Variants in GPR141 observed in about 807,000 individuals in gnomAD.
GPR141 encodes probable G protein-coupled receptor 141.
Under a neutral mutation model 6.8 loss-of-function variants are expected in GPR141, and 6 were observed. The ratio of observed to expected loss-of-function variants is 0.88; its 90% CI spans 0.48 to 1.74. The LOEUF (loss-of-function observed/expected upper bound fraction) is 1.74. Ranked by LOEUF, GPR141 falls within the 40% of genes most tolerant of loss-of-function variation. The pLI is 0.01. For missense variants in GPR141, 372 were observed against 372.9 expected (o/e 1.00, Z 0.02); for synonymous variants, 140 against 142.3 (o/e 0.98, Z 0.11).
At chr7:37,704,315 C>T (rs115506831) in intron 2 of GPR141, among the ~76,000 whole-genome samples, 21,899 of 151,846 alleles carry the variant, frequency 0.14, 1,953 homozygotes, top group South Asian at 0.26. Flanking sequence ...TATGAAGAAA[C>T]ACCTGAGACT....
chr7:37,685,676 T>C (rs932969677), intron 2 of GPR141, 93 bp downstream of exon 2: 35 of 151,254 alleles, frequency 2.3e-4, no homozygotes, highest in African/African-American at 7.5e-4. Flanking sequence ...CTCAAACTCC[T>C]GGGCACAAGT....
intron 2 of GPR141, among the ~76,000 whole-genome samples, chr7:37,695,417 A>G (rs62461638): frequency 0.41 from 61,921 of 152,016 alleles, 13,009 homozygotes; most frequent in Admixed American, 0.48. Context: ...CCCTCAGCTC[A>G]ACTTAATGCC....
Position 37,740,909 on chromosome 7 carries a change from G to C in GPR141, c.516G>C (p.Glu172Asp). 1 of 1,614,106 alleles carries C rather than the reference G, an allele frequency of 6.2e-7. No individual in the cohort carries two copies. Among genetic ancestry groups the C allele is most frequent in the African/African-American group, 1.3e-5 (1 of 75,024 alleles). ...AGCACTGTTTTAAATTTCACAAAGA[G>C]CTTGCTTACACATATGTGAAAATCA... is the stretch of plus-strand genomic sequence containing the variant. ...NEEHCFKFHKELAYTYVKIIN... is the reference protein window; with the variant it reads ...NEEHCFKFHKDLAYTYVKIIN... Residue 172 changes from glutamate (E) to aspartate (D), a missense_variant, in exon 3 of 3, where the codon GAG (glutamate) becomes GAC (aspartate). Transcript: ENST00000334425.
chr7:37,708,291 C>T (rs1810619249), intron 2 of GPR141, among the ~76,000 whole-genome samples: 2 of 116,358 alleles, frequency 1.7e-5, no homozygotes, highest in African/African-American at 6.8e-5. Context: ...TTTCATACTG[C>T]CTCTTGACAA....
At chr7:37,734,848 C>G (rs980142446) in intron 2 of GPR141, among the ~76,000 whole-genome samples, 21 of 152,138 alleles carry the variant, frequency 1.4e-4, no homozygotes, top group Admixed American at 1.2e-3. Context: ...GAGCTTGAGG[C>G]ATTGAGTGAA....
chr7:37,724,235 C>T (rs998517168), intron 2 of GPR141, among the ~76,000 whole-genome samples: 1 of 152,088 alleles, frequency 6.6e-6, no homozygotes, highest in Non-Finnish European at 1.5e-5. Flanking sequence ...AAAATGATGT[C>T]TTTGATGAGT....
intron 2 of GPR141, among the ~76,000 whole-genome samples, chr7:37,728,997 A>G (rs896919852): frequency 1.3e-5 from 2 of 152,172 alleles, no homozygotes; most frequent in Admixed American, 6.5e-5. Flanking sequence ...TTAGCTGTAC[A>G]TTTGGGTCCT....
chr7:37,740,834 G>C lies in GPR141; in HGVS notation c.441G>C (p.Val147=). The C allele has an allele frequency of 1.2e-6, 2 of 1,614,128 alleles. No homozygotes were observed. The highest frequency in any genetic ancestry group is 1.7e-6 in the Non-Finnish European group (2 of 1,179,996). Residue 147 remains valine (V), a synonymous_variant, in exon 3 of 3, where the codon GTG becomes GTC. Transcript: ENST00000334425. ...TGTGGACGCTGGTGATTGTCATTGT[G>C]GTACCCCTGGTTGTCTCCCGGTATG... ...AGMWTLVIVI[V]VPLVVSRYGI...
intron 2 of GPR141, among the ~76,000 whole-genome samples, chr7:37,688,380 C>G (rs1052905859): frequency 5.9e-5 from 9 of 151,926 alleles, no homozygotes; most frequent in South Asian, 2.1e-4. Flanking sequence ...TGCAGTGAGC[C>G]AAGATTGCAC....
At chr7:37,725,569 T>C (rs1249575811) in intron 2 of GPR141, among the ~76,000 whole-genome samples, 5 of 152,218 alleles carry the variant, frequency 3.3e-5, no homozygotes, top group Non-Finnish European at 7.3e-5. Context: ...TCCCCAAGGC[T>C]CAGCTCAGAC....
At chr7:37,716,130 C>A (rs1335016493) in intron 2 of GPR141, among the ~76,000 whole-genome samples, 1 of 152,138 alleles carries the variant, frequency 6.6e-6, no homozygotes, top group Non-Finnish European at 1.5e-5. Flanking sequence ...GGGAGCCAGG[C>A]AAACCCAGCT....
intron 2 of GPR141, among the ~76,000 whole-genome samples, chr7:37,705,765 G>A (rs770734488): frequency 1.6e-4 from 24 of 152,160 alleles, no homozygotes; most frequent in Non-Finnish European, 3.4e-4. Context: ...CAGCTATACG[G>A]TATTCCCATA....
chr7:37,726,706 A>G (rs991503549), intron 2 of GPR141, among the ~76,000 whole-genome samples: 9 of 152,210 alleles, frequency 5.9e-5, no homozygotes, highest in Non-Finnish European at 1.3e-4. Context: ...TGTATATTAT[A>G]TAAGAACAGG....
intron 1 of GPR141, 107 bp downstream of exon 1, chr7:37,684,010 C>A (rs1809387032): frequency 6.6e-6 from 1 of 151,108 alleles, no homozygotes; most frequent in Admixed American, 6.6e-5. Flanking sequence ...TCAAATGGTT[C>A]TGCTCTAAAA....
intron 2 of GPR141, among the ~76,000 whole-genome samples, chr7:37,737,462 A>G (rs1461468697): frequency 6.6e-6 from 1 of 152,224 alleles, no homozygotes; most frequent in African/African-American, 2.4e-5. Context: ...GTCTTGTCAA[A>G]TGGTCTAATC....
rs547259702 is a variant in GPR141, at chr7:37,720,538, G to A, written c.-14-19842G>A. Among the ~76,000 whole-genome samples, 13 of 152,182 alleles carry A rather than the reference G, an allele frequency of 8.5e-5. 1 individual carries two copies. In the South Asian group the frequency reaches 2.3e-3, roughly 27 times the overall value. ...AGATGGATCACAAGGTCAGGAGATC[G>A]AGACCATCCTGGCTAACATGGTGAA... On this transcript the variant is annotated intron_variant, in intron 2 of 2. Transcript: ENST00000334425.
Position 37,740,530 on chromosome 7 carries a change from A to G in GPR141, c.137A>G (p.Asn46Ser), listed in dbSNP as rs1475243184. ...ATTCTTTTCCTCCTGGTGAAAATGA[A>G]CACCCGGTCAGTGACCACCATGGCG... Reference protein sequence around the residue: ...ISILFLLVKMNTRSVTTMAVI... With the variant: ...ISILFLLVKMSTRSVTTMAVI... The change falls in exon 3 of 3, where the codon AAC (asparagine) becomes AGC (serine). Residue 46 changes from asparagine (N) to serine (S), a missense_variant. Coordinates refer to ENST00000334425, the MANE Select transcript of GPR141 (RefSeq NM_001381946.1). The G allele has an allele frequency of 1.9e-6, 3 of 1,614,020 alleles. No individual in the cohort carries two copies. The highest frequency in any genetic ancestry group is 1.7e-5 in the Admixed American group (1 of 59,996).
At position 37,698,036 on chromosome 7, in the gene GPR141, A is replaced by C. The variant is rs893142740; in HGVS notation, c.-15+12453A>C. On this transcript the variant is annotated intron_variant, in intron 2 of 2. Coordinates refer to ENST00000334425, the MANE Select transcript of GPR141 (RefSeq NM_001381946.1). ...AGCATGGGATACATACAGGAGGCTT[A>C]TGCCACAGGGTGAAATATAGGCTAG... 2.0e-5 allele frequency among the ~76,000 whole-genome samples: 3 copies of C among 152,368 alleles called. No homozygotes were observed. The East Asian group carries it at 5.8e-4, about 29-fold the overall frequency.
chr7:37,725,579 C>T (rs1041145149), intron 2 of GPR141, among the ~76,000 whole-genome samples: 2 of 152,208 alleles, frequency 1.3e-5, no homozygotes, highest in Admixed American at 6.5e-5. Context: ...TCAGCTCAGA[C>T]GCAATTTCTT....
Sources: allele counts gnomAD v4.1 joint callset (sites outside exome capture counted in the v4.1 genomes callset), GRCh38; gene constraint gnomAD v4.1.1; transcripts MANE v1.5; gene names NCBI Gene and HGNC (gene_info 2026-07-23, HGNC 2026-07-21).